The following AGL variants were observed in gnomAD, a reference collection of about 807,000 sequenced individuals.
The protein encoded by AGL is amylo-alpha-1,6-glucosidase and 4-alpha-glucanotransferase.
A neutral mutation model predicts 199.3 loss-of-function variants in AGL; 128 were observed. The ratio of observed to expected loss-of-function variants is 0.64; its 90% CI spans 0.56 to 0.74. The LOEUF (loss-of-function observed/expected upper bound fraction) is 0.74. Among genes scored for constraint, AGL ranks in the 30% least tolerant of loss-of-function variants. The pLI, the probability that AGL is intolerant of heterozygous loss-of-function variation, is 0.00. For synonymous variants in AGL, 584 were observed against 594.7 expected (o/e 0.98, Z 0.26); for missense variants, 1,809 against 1,820.8 (o/e 0.99, Z 0.12).
Position 99,884,624 on chromosome 1 carries a change from A to T in AGL, c.2602A>T (p.Thr868Ser). 2.5e-6 allele frequency: 4 copies of T among 1,613,890 alleles called. No individual in the cohort carries two copies. Among genetic ancestry groups the T allele is most frequent in the Non-Finnish European group, 3.4e-6 (4 of 1,179,820 alleles). The stretch of plus-strand genomic sequence containing the variant: ...TGTTGGAATTCTTCGAAATCATCTG[A>T]CACAATTCAGTCCTCACTTTAAATC... ...VAVGILRNHL[T>S]QFSPHFKSGS... The change falls in exon 20 of 34, where the codon ACA becomes TCA. Residue 868 changes from threonine (T) to serine (S), a missense_variant. Transcript: ENST00000361915.
Position 99,913,815 on chromosome 1 carries a change from TC to T in AGL, c.4161+78del, listed in dbSNP as rs2100861113. ...CTTAGTTCCTTATTCCCATTTGTTT[TC>T]AAATTCACTTCATTGCTAAAAAGTA... On this transcript the variant is annotated intron_variant, in intron 30 of 33. Transcript: ENST00000361915. 2.2e-6 allele frequency: 3 copies of T among 1,368,928 alleles called. No individual in the cohort carries two copies. In the East Asian group the frequency reaches 6.9e-5, roughly 31 times the overall value. The allele number at this position is 1,368,928 out of a possible 1,614,324, so 84.8% of individuals were successfully genotyped here.
chr1:99,896,327 A>G lies in AGL; in HGVS notation c.3301A>G (p.Arg1101Gly). The G allele has an allele frequency of 6.2e-7, 1 of 1,614,014 alleles. No homozygotes were observed. Among genetic ancestry groups the G allele is most frequent in the Non-Finnish European group, 8.5e-7 (1 of 1,180,002 alleles). The change falls in exon 25 of 34, where the codon AGG (arginine) becomes GGG (glycine). Residue 1101 changes from arginine (R) to glycine (G), a missense_variant. Transcript: ENST00000361915. ...FSSGIFRCWGRDTFIALRGIL... is the reference protein window; with the variant it reads ...FSSGIFRCWGGDTFIALRGIL... The stretch of plus-strand genomic sequence containing the variant: ...TTCTGGTATTTTCCGCTGCTGGGGA[A>G]GGGATACTTTTATTGCACTTAGAGG...
At chr1:99,869,145 G>A (rs1014700192) in intron 5 of AGL, among the ~76,000 whole-genome samples, 4 of 152,130 alleles carry the variant, frequency 2.6e-5, no homozygotes, top group African/African-American at 4.8e-5. Flanking sequence ...TTTTTTATAC[G>A]TGAAAATCCT....
chr1:99,907,943 A>C (rs1275563087), intron 27 of AGL, among the ~76,000 whole-genome samples: 1 of 151,834 alleles, frequency 6.6e-6, no homozygotes, highest in African/African-American at 2.4e-5. Context: ...ATGGTTTGCA[A>C]ATATTTTCTC....
In AGL at chr1:99,913,750, G is replaced by A. The variant is rs371422723; in HGVS notation, c.4161+12G>A. On this transcript the variant is annotated intron_variant, in intron 30 of 33. Transcript: ENST00000361915. ...TAGCAATGGTTGTGGTAGGTGATTC[G>A]TTTGTAAAAACATTTCAAAAAATGA... 16 of 1,611,628 alleles carry A rather than the reference G, an allele frequency of 9.9e-6. No homozygotes were observed. Among genetic ancestry groups the A allele is most frequent in the East Asian group, 4.5e-5 (2 of 44,838 alleles).
At chr1:99,892,062 T>C (rs1193611122) in intron 23 of AGL, among the ~76,000 whole-genome samples, 1 of 152,156 alleles carries the variant, frequency 6.6e-6, no homozygotes, top group Non-Finnish European at 1.5e-5. Flanking sequence ...TAATTTTTCA[T>C]CAATTAGGAG....
At chr1:99,883,521 C>T (rs976130885) in intron 17 of AGL, among the ~76,000 whole-genome samples, 2 of 152,092 alleles carry the variant, frequency 1.3e-5, no homozygotes, top group African/African-American at 4.8e-5. Context: ...GCTGATGCAG[C>T]AGTGTGAATG....
intron 12 of AGL, among the ~76,000 whole-genome samples, chr1:99,879,695 C>G (rs190702518): frequency 8.6e-4 from 131 of 151,914 alleles, no homozygotes; most frequent in African/African-American, 2.9e-3. Context: ...TTTTCTTCTT[C>G]TTTTCCTCTC....
chr1:99,862,522 C>A, intron 4 of AGL, 99 bp downstream of exon 4: 1 of 1,313,518 alleles, frequency 7.6e-7, no homozygotes, highest in Non-Finnish European at 1.1e-6. Flanking sequence ...TCCATTCTCT[C>A]ATTGCAGTAA....
At chr1:99,849,398 G>A (rs1450041967), upstream of AGL, among the ~76,000 whole-genome samples, 1 of 152,172 alleles carries the variant, frequency 6.6e-6, no homozygotes, top group African/African-American at 2.4e-5. Context: ...AAAAGCCCTG[G>A]AAGATGGGTT....
Position 99,850,959 on chromosome 1 carries a change from C to A in AGL, c.-68-16C>A. ...AATAGTTATTTTCGATATTTTAACT[C>A]CTTTTTGTTTCATAGGGGTAACTCA... is the stretch of plus-strand genomic sequence containing the variant. On this transcript the variant is annotated splice_polypyrimidine_tract_variant and intron_variant, in intron 1 of 33. Coordinates refer to ENST00000361915, the MANE Select transcript of AGL (RefSeq NM_000642.3). 8.9e-7 allele frequency: 1 copy of A among 1,126,634 alleles called. No homozygotes were observed. The highest frequency in any genetic ancestry group is 1.2e-5 in the South Asian group (1 of 80,552). 69.8% of individuals were successfully genotyped at this position (1,126,634 alleles called of 1,614,324 possible).
chr1:99,910,562 G>A (rs767507563), intron 27 of AGL, 150 bp from the exon 28 acceptor site: 3 of 300,672 alleles, frequency 1.0e-5, no homozygotes, highest in Non-Finnish European at 1.7e-5. Context: ...TGTATATTCT[G>A]GATACAAAAT....
rs182622068 is a variant in AGL at position 99,918,861 on chromosome 1, C to G, written c.4481+2130C>G. On this transcript the variant is annotated intron_variant, in intron 33 of 33. Coordinates refer to ENST00000361915, the MANE Select transcript of AGL (RefSeq NM_000642.3). ...ATCAAGACCCATCTGTGTTCCCTACCCTGTATTTCGAAAATTATGACGTTT... is the reference window on the plus strand; with the variant it reads ...ATCAAGACCCATCTGTGTTCCCTACGCTGTATTTCGAAAATTATGACGTTT... 1.9e-3 allele frequency among the ~76,000 whole-genome samples: 285 copies of G among 152,196 alleles called. 1 individual carries two copies. Among genetic ancestry groups the G allele is most frequent in the African/African-American group, 6.4e-3 (264 of 41,516 alleles).
intron 29 of AGL, 116 bp from the exon 30 acceptor site, chr1:99,913,411 G>A: frequency 1.1e-6 from 1 of 878,724 alleles, no homozygotes; most frequent in Non-Finnish European, 1.8e-6. Flanking sequence ...TCCAAAAGTG[G>A]ATAATTTATT....
rs759699145 is a variant in AGL, at chr1:99,895,134, C to T, written c.3260-1152C>T. 4.6e-5 allele frequency among the ~76,000 whole-genome samples: 7 copies of T among 152,142 alleles called. No individual in the cohort carries two copies. The South Asian group carries it at 1.2e-3, about 27-fold the overall frequency. On this transcript the variant is annotated intron_variant, in intron 24 of 33. Transcript: ENST00000361915. ...CGTGATCTCGGCTCACTGCAACCTC[C>T]GCTTCCTGGGTTCAAGCAATTCTCC...
At position 99,900,738 on chromosome 1, in the gene AGL, G is replaced by A. The variant is rs762547610; in HGVS notation, c.3465G>A (p.Trp1155Ter). 1 of 1,614,148 alleles carries A rather than the reference G, an allele frequency of 6.2e-7. No individual in the cohort carries two copies. The highest frequency in any genetic ancestry group is 1.1e-5 in the South Asian group (1 of 91,088). Reference sequence around the variant, plus strand: ...GATACAATTGTCGGGATGCTGTGTGGTGGTGGCTGCAGTGTATCCAGGATT... The same window carrying A: ...GATACAATTGTCGGGATGCTGTGTGATGGTGGCTGCAGTGTATCCAGGATT... Reference protein sequence around the residue: ...YARYNCRDAVWWWLQCIQDYC... With the variant: ...YARYNCRDAV The change falls in exon 26 of 34, where the codon TGG becomes TGA. Residue 1155 changes from tryptophan (W) to a stop codon, truncating the protein, a stop_gained. Transcript: ENST00000361915. LOFTEE classifies it high-confidence loss of function.
intron 20 of AGL, among the ~76,000 whole-genome samples, chr1:99,886,967 C>T (rs934804159): frequency 6.6e-6 from 1 of 152,040 alleles, no homozygotes; most frequent in African/African-American, 2.4e-5. Context: ...TATAAGATCC[C>T]CAGGTAATTT....
chr1:99,875,410 G>A lies in AGL; in HGVS notation c.1238G>A (p.Gly413Asp), dbSNP rs750462894. The A allele has an allele frequency of 1.3e-5, 21 of 1,614,006 alleles. No homozygotes were observed. The highest frequency in any genetic ancestry group is 1.7e-5 in the Non-Finnish European group (20 of 1,180,022). ...TTTTATGAACGACTGGCTGGCCATGGTCCAAAACTAGGACCTGTCACTAGA... is the reference window on the plus strand; with the variant it reads ...TTTTATGAACGACTGGCTGGCCATGATCCAAAACTAGGACCTGTCACTAGA... ...NVFYERLAGHGPKLGPVTRKH... is the reference protein window; with the variant it reads ...NVFYERLAGHDPKLGPVTRKH... Residue 413 changes from glycine to aspartate, a missense_variant, in exon 10 of 34, where the codon GGT (glycine) becomes GAT (aspartate). Physicochemically the swap from Gly to Asp is moderately conservative, Grantham distance 94. Transcript: ENST00000361915.
rs573888307 is a variant in AGL at position 99,873,987 on chromosome 1, AACAAGTTCCAG to A, written c.959-698_959-688del. Among the ~76,000 whole-genome samples, 112 of 152,344 alleles carry A rather than the reference AACAAGTTCCAG, an allele frequency of 7.4e-4. 1 individual carries two copies. Among genetic ancestry groups the A allele is most frequent in the Admixed American group, 4.8e-3 (73 of 15,302 alleles). ...TGTACCAGTTCTTAATTTTATTACA[AACAAGTTCCAG>A]AAAAAGAGTGAAAATTTCCCCAAAA... On this transcript the variant is annotated intron_variant, in intron 7 of 33. Coordinates refer to ENST00000361915, the MANE Select transcript of AGL (RefSeq NM_000642.3).
Sources: allele counts gnomAD v4.1 joint callset (sites outside exome capture counted in the v4.1 genomes callset), GRCh38; gene constraint gnomAD v4.1.1; transcripts MANE v1.5; gene names NCBI Gene and HGNC (gene_info 2026-07-23, HGNC 2026-07-21).